Variants in IFT140 observed in about 807,000 individuals in gnomAD.
IFT140 encodes the protein intraflagellar transport 140.
In IFT140, 133 loss-of-function variants were observed where a neutral mutation model predicts 164.6. That is an observed-to-expected ratio of 0.81 (90% confidence interval 0.70 to 0.93). The LOEUF (loss-of-function observed/expected upper bound fraction) is 0.93. Among genes scored for constraint, IFT140 ranks in the 40% least tolerant of loss-of-function variants. IFT140 has a pLI of 0.00. For synonymous variants in IFT140, 860 were observed against 817.3 expected, an observed-to-expected ratio of 1.05 and a Z score of -0.89; for missense variants, 2,045 against 1,972.3, an observed-to-expected ratio of 1.04 and a Z score of -0.70.
At chr16:1,545,351 A>G (rs2032080693) in intron 19 of IFT140, among the ~76,000 whole-genome samples, 1 of 152,108 alleles carries the variant, frequency 6.6e-6, no homozygotes, top group African/African-American at 2.4e-5. Flanking sequence ...TCTTGCCCCC[A>G]CAGGCCACCT....
rs549403203 is a variant in IFT140 at position 1,553,041 on chromosome 16, A to G, written c.2399+4894T>C. 1.7e-4 allele frequency: 168 copies of G among 985,440 alleles called. No individual in the cohort carries two copies. The African/African-American group carries it at 2.8e-3, about 16-fold the overall frequency. 61.0% of individuals were successfully genotyped at this position (985,440 alleles called of 1,614,324 possible). A position where few individuals can be genotyped will look rare whatever the true frequency, so the allele number is the denominator to read the frequency against. ...AAGTATTATAAAGAATGAACACAGA[A>G]ACCAGTCACTGTCATTGTTCAGGAC... On this transcript the variant is annotated intron_variant, in intron 19 of 30. Coordinates refer to ENST00000426508, the MANE Select transcript of IFT140 (RefSeq NM_014714.4). The surrounding 1 kb of genome is among the most constrained non-coding windows in gnomAD (Gnocchi z 4.4).
At chr16:1,606,602 A>G in intron 3 of IFT140, among the ~76,000 whole-genome samples, 1 of 152,262 alleles carries the variant, frequency 6.6e-6, no homozygotes, top group Admixed American at 6.5e-5. Context: ...CTGGGATTAC[A>G]AGCATGAGCC....
In IFT140 at chr16:1,513,962, T is replaced by C. The variant is rs180891311; in HGVS notation, c.4183-2812A>G. ...TGCTGGGATTACAGGCGTGAGCCAC[T>C]GCACCCGGCTGCTTCTCACAACTTT... On this transcript the variant is annotated intron_variant, in intron 30 of 30. Coordinates refer to ENST00000426508, the MANE Select transcript of IFT140 (RefSeq NM_014714.4). Among the ~76,000 whole-genome samples, 771 of 150,746 alleles carry C rather than the reference T, an allele frequency of 5.1e-3. 2 individuals are homozygous for C. Among genetic ancestry groups the C allele is most frequent in the South Asian group, 0.01 (47 of 4,676 alleles).
intron 3 of IFT140, among the ~76,000 whole-genome samples, chr16:1,605,795 G>A (rs1596467843): frequency 6.6e-6 from 1 of 152,144 alleles, no homozygotes; most frequent in African/African-American, 2.4e-5. Flanking sequence ...CTGTTAGGGG[G>A]TGAATTGTGT....
At chr16:1,603,656 T>C (rs2035905961) in intron 3 of IFT140, among the ~76,000 whole-genome samples, 2 of 152,214 alleles carry the variant, frequency 1.3e-5, no homozygotes, top group South Asian at 4.1e-4. Context: ...CTAATTTTTG[T>C]ATTTTTAGTA....
intron 29 of IFT140, 150 bp from the exon 30 acceptor site, chr16:1,518,507 TGTTC>T: frequency 1.3e-6 from 1 of 743,304 alleles, no homozygotes; most frequent in Non-Finnish European, 2.1e-6. Context: ...TTCCTTAATT[TGTTC>T]ATTCATAAAT....
intron 30 of IFT140, 44 bp from the exon 31 acceptor site, chr16:1,511,194 A>C (rs1284598540): frequency 6.6e-7 from 1 of 1,518,734 alleles, no homozygotes; most frequent in African/African-American, 1.4e-5. Flanking sequence ...CTGAACAACC[A>C]GGCACGACCC....
chr16:1,596,383 T>C (rs1177747564), intron 4 of IFT140, among the ~76,000 whole-genome samples: 1 of 152,172 alleles, frequency 6.6e-6, no homozygotes, highest in East Asian at 1.9e-4. Flanking sequence ...AAATCTTTAT[T>C]AGCACATACG....
intron 30 of IFT140, among the ~76,000 whole-genome samples, chr16:1,517,377 TAAG>T (rs2040395088): frequency 6.9e-6 from 1 of 145,672 alleles, no homozygotes; most frequent in East Asian, 2.0e-4. Flanking sequence ...AGTACAATAA[TAAG>T]AAAACCCAAT....
chr16:1,593,605 A>T (rs12449265), intron 4 of IFT140, among the ~76,000 whole-genome samples: 8,036 of 152,196 alleles, frequency 0.053, 442 homozygotes, highest in Admixed American at 0.17. Context: ...CTTTGTCTTA[A>T]GGCCCTGGAC....
At chr16:1,540,428 G>A (rs939200155) in intron 19 of IFT140, among the ~76,000 whole-genome samples, 24 of 152,214 alleles carry the variant, frequency 1.6e-4, no homozygotes, top group African/African-American at 5.3e-4. Flanking sequence ...CCGTGCACGC[G>A]TGAACCTCGA....
intron 19 of IFT140, among the ~76,000 whole-genome samples, chr16:1,536,715 C>T (rs1454172804): frequency 2.0e-5 from 3 of 152,188 alleles, no homozygotes; most frequent in African/African-American, 7.2e-5. Context: ...CCAGAGTCTC[C>T]CTTGGCCGTG....
chr16:1,541,926 T>G lies in IFT140; in HGVS notation c.2400-15130A>C, dbSNP rs1306533181. 4 of 1,600,680 alleles carry G rather than the reference T, an allele frequency of 2.5e-6. No individual in the cohort carries two copies. The East Asian group carries it at 9.0e-5, about 36-fold the overall frequency. ...TCTCTGCTCTTGGCCCACAGTGCAG[T>G]TCGACATGATGCGCGCCTGCAACCT... is the stretch of plus-strand genomic sequence containing the variant. On this transcript the variant is annotated intron_variant, in intron 19 of 30. Transcript: ENST00000426508.
Position 1,519,868 on chromosome 16 carries a change from C to G in IFT140, c.4040+13G>C, listed in dbSNP as rs756795844. 3.1e-5 allele frequency: 47 copies of G among 1,523,336 alleles called. No homozygotes were observed. Among genetic ancestry groups the G allele is most frequent in the Non-Finnish European group, 4.0e-5 (45 of 1,138,280 alleles). 94.4% of individuals were successfully genotyped at this position (1,523,336 alleles called of 1,614,324 possible). On this transcript the variant is annotated intron_variant, in intron 29 of 30. Transcript: ENST00000426508. ...TCTGCCCTGGCCTGTCCCCGCTGGC[C>G]CCGGGGGCACACCTGCGGGCCTGGA... is the stretch of plus-strand genomic sequence containing the variant.
chr16:1,589,558 C>G (rs761909650), intron 7 of IFT140, 47 bp downstream of exon 7: 1 of 1,591,074 alleles, frequency 6.3e-7, no homozygotes, highest in Non-Finnish European at 8.6e-7. Flanking sequence ...CAGAGAGAAC[C>G]TGGCCCAAGA....
intron 19 of IFT140, among the ~76,000 whole-genome samples, chr16:1,528,332 T>TGTGCACACACACGC (rs2029966148): frequency 9.7e-6 from 1 of 103,022 alleles, no homozygotes; most frequent in East Asian, 3.1e-4. Context: ...TGCACGCACG[T>TGTGCACACACACGC]GTGCACACAC....
intron 13 of IFT140, among the ~76,000 whole-genome samples, chr16:1,576,350 G>C (rs1199899364): frequency 2.6e-5 from 4 of 151,254 alleles, no homozygotes; most frequent in African/African-American, 7.3e-5. Context: ...CTAGCACTTT[G>C]GGAGGCCGAG....
chr16:1,511,941 GGAGA>G (rs1008429874), intron 30 of IFT140, among the ~76,000 whole-genome samples: 1 of 151,640 alleles, frequency 6.6e-6, no homozygotes, highest in African/African-American at 2.4e-5. Flanking sequence ...GCACAGGGAG[GGAGA>G]GAGAGGAAGG....
intron 19 of IFT140, among the ~76,000 whole-genome samples, chr16:1,549,058 G>A (rs959691553): frequency 7.2e-5 from 11 of 152,204 alleles, no homozygotes; most frequent in South Asian, 2.1e-4. Flanking sequence ...GTGCTAGGAC[G>A]AGGGCAACGT....
Sources: allele counts gnomAD v4.1 joint callset (sites outside exome capture counted in the v4.1 genomes callset), GRCh38; gene constraint gnomAD v4.1.1; non-coding constraint Gnocchi (gnomAD v3.1); transcripts MANE v1.5; gene names NCBI Gene and HGNC (gene_info 2026-07-23, HGNC 2026-07-21).